Variants in ASTN2 observed in about 807,000 individuals in gnomAD.
ASTN2 encodes astrotactin 2, also known as astrotactin-2.
ASTN2 carries 54 observed loss-of-function variants against 139.8 expected under a neutral mutation model. The ratio of observed to expected loss-of-function variants is 0.39; its 90% CI spans 0.31 to 0.48. The LOEUF is 0.48. Among genes scored for constraint, ASTN2 ranks in the 20% least tolerant of loss-of-function variants. The pLI is 0.95. For synonymous variants in ASTN2, 756 were observed against 719.5 expected, an observed-to-expected ratio of 1.05 and a Z score of -0.81; for missense variants, 1,565 against 1,725.1, an observed-to-expected ratio of 0.91 and a Z score of 1.64.
chr9:116,800,540 TC>T, intron 13 of ASTN2, among the ~76,000 whole-genome samples: 1 of 152,202 alleles, frequency 6.6e-6, no homozygotes, highest in East Asian at 1.9e-4. Flanking sequence ...TTGCCTAAGA[TC>T]CCTCCTTAGT....
chr9:116,475,856 C>G (rs973445451), intron 20 of ASTN2, among the ~76,000 whole-genome samples: 3 of 152,176 alleles, frequency 2.0e-5, no homozygotes, highest in African/African-American at 7.2e-5. Context: ...CTCCATAGCC[C>G]CAAATCTCCT....
intron 10 of ASTN2, among the ~76,000 whole-genome samples, chr9:116,895,852 G>C (rs1833866862): frequency 6.6e-6 from 1 of 151,960 alleles, no homozygotes; most frequent in Non-Finnish European, 1.5e-5. Context: ...GTGTGTGTAA[G>C]GATTATTATT....
chr9:116,651,738 G>A lies in ASTN2; in HGVS notation c.2862C>T (p.Tyr954=). The A allele has an allele frequency of 1.2e-6, 2 of 1,614,172 alleles. No individual in the cohort carries two copies. The highest frequency in any genetic ancestry group is 1.7e-6 in the Non-Finnish European group (2 of 1,180,042). The change falls in exon 17 of 23, where the codon TAC becomes TAT. Residue 954 remains tyrosine (Y), a synonymous_variant. Transcript: ENST00000313400. ...KELKSMPFIT[Y]LSGLLTAQML... is the part of the protein sequence containing the mutation. Reference sequence around the variant, plus strand: ...TCTGGGCTGTCAGCAAACCTGAGAGGTAGGTGATGAAGGGCATGGACTTGA... The same window carrying A: ...TCTGGGCTGTCAGCAAACCTGAGAGATAGGTGATGAAGGGCATGGACTTGA...
intron 14 of ASTN2, among the ~76,000 whole-genome samples, chr9:116,731,041 C>G (rs1828763921): frequency 6.6e-6 from 1 of 152,026 alleles, no homozygotes; most frequent in South Asian, 2.1e-4. Flanking sequence ...CGGCCTAACT[C>G]TCACTCTGTT....
At position 116,892,351 on chromosome 9, in the gene ASTN2, G is replaced by C. The variant is rs117855062; in HGVS notation, c.1890-28618C>G. Reference sequence around the variant, plus strand: ...TAACCTTCATGTGTGAGAAAGTCATGCCCAAATTGACAGAGTCTTAGCTTA... The same window carrying C: ...TAACCTTCATGTGTGAGAAAGTCATCCCCAAATTGACAGAGTCTTAGCTTA... On this transcript the variant is annotated intron_variant, in intron 10 of 22. Coordinates refer to ENST00000313400, the MANE Select transcript of ASTN2 (RefSeq NM_001365068.1). Among the ~76,000 whole-genome samples the C allele has an allele frequency of 9.3e-3, 1,413 of 152,264 alleles. 9 individuals carry two copies. The highest frequency in any genetic ancestry group is 0.013 in the Non-Finnish European group (877 of 68,016).
At chr9:117,147,368 G>T (rs764259965) in intron 3 of ASTN2, among the ~76,000 whole-genome samples, 9 of 151,958 alleles carry the variant, frequency 5.9e-5, no homozygotes, top group Non-Finnish European at 1.2e-4. Flanking sequence ...CCTGGGAGGT[G>T]GAGGTTGCAG....
At chr9:117,237,557 G>A (rs1833081472) in intron 2 of ASTN2, among the ~76,000 whole-genome samples, 1 of 152,174 alleles carries the variant, frequency 6.6e-6, no homozygotes, top group South Asian at 2.1e-4. Context: ...TCAGCTCACT[G>A]TAACCTCCAC....
chr9:117,073,391 A>G (rs1828188335), intron 5 of ASTN2, among the ~76,000 whole-genome samples: 1 of 152,120 alleles, frequency 6.6e-6, no homozygotes, highest in African/African-American at 2.4e-5. Context: ...CATCTATTTC[A>G]GGGAATCTTC....
At chr9:117,297,940 T>C (rs1587923883) in intron 1 of ASTN2, among the ~76,000 whole-genome samples, 1 of 152,146 alleles carries the variant, frequency 6.6e-6, no homozygotes, top group East Asian at 1.9e-4. Context: ...ATCATATAAG[T>C]CAGCCTTCCT....
chr9:117,030,031 C>T (rs756153296), intron 6 of ASTN2, among the ~76,000 whole-genome samples: 2 of 151,436 alleles, frequency 1.3e-5, no homozygotes, highest in Admixed American at 6.6e-5. Flanking sequence ...AAAAAAAACG[C>T]TGAAGTTTAG....
rs562054248 is a variant in ASTN2, at chr9:117,414,630, C to CGCGGCGGCG, written c.300_308dup (p.Ala101_Ala103dup). 7.0e-7 allele frequency: 1 copy of CGCGGCGGCG among 1,436,560 alleles called. No individual in the cohort carries two copies. Among genetic ancestry groups the CGCGGCGGCG allele is most frequent in the African/African-American group, 1.5e-5 (1 of 67,748 alleles). 89.0% of individuals were successfully genotyped at this position (1,436,560 alleles called of 1,614,324 possible). Reference sequence around the variant, plus strand: ...CGGCAGAGCCAGGAGAGCCCGGGGACGCGGCGGCGGCGGCGGCTCCGGCCC... The same window carrying CGCGGCGGCG: ...CGGCAGAGCCAGGAGAGCCCGGGGACGCGGCGGCGGCGGCGGCGGCGGCGGCTCCGGCCC... On this transcript the variant is annotated inframe_insertion, in exon 1 of 23. Transcript: ENST00000313400. This position sits in a 1 kb window ranked among gnomAD's most constrained non-coding sequence, Gnocchi z 4.2.
intron 4 of ASTN2, among the ~76,000 whole-genome samples, chr9:117,098,600 C>T (rs1828895020): frequency 6.6e-6 from 1 of 152,046 alleles, no homozygotes; most frequent in Non-Finnish European, 1.5e-5. Context: ...AAAAGCAGGG[C>T]CTGGAGACAT....
intron 5 of ASTN2, among the ~76,000 whole-genome samples, chr9:117,053,335 C>T (rs538603537): frequency 4.0e-5 from 6 of 151,888 alleles, no homozygotes; most frequent in Non-Finnish European, 8.8e-5. Flanking sequence ...ACCTGCAGTC[C>T]CAGGTACTCA....
intron 20 of ASTN2, among the ~76,000 whole-genome samples, chr9:116,471,960 G>A (rs1035332028): frequency 2.6e-5 from 4 of 152,040 alleles, no homozygotes; most frequent in Non-Finnish European, 4.4e-5. Context: ...CAAAACCCGC[G>A]AGTGCAACAG....
intron 7 of ASTN2, among the ~76,000 whole-genome samples, chr9:116,999,873 A>G (rs1220917996): frequency 6.6e-6 from 1 of 151,896 alleles, no homozygotes; most frequent in Non-Finnish European, 1.5e-5. Context: ...AATTTTTTTC[A>G]TTGCAAAAGT....
intron 5 of ASTN2, among the ~76,000 whole-genome samples, chr9:117,082,239 C>T (rs1489967991): frequency 6.6e-6 from 1 of 152,166 alleles, no homozygotes; most frequent in Non-Finnish European, 1.5e-5. Context: ...CTCCTGAACA[C>T]TTACCCTTCC....
intron 16 of ASTN2, among the ~76,000 whole-genome samples, chr9:116,696,161 GCTCAAAAATCTCATTTTGGCT>G (rs1455756708): frequency 6.6e-6 from 1 of 151,890 alleles, no homozygotes; most frequent in Non-Finnish European, 1.5e-5. Flanking sequence ...TGAAAATGAC[GCTCAAAAATCTCATTTTGGCT>G]CTGAAGACCT....
At chr9:117,174,368 G>T (rs1356880021) in intron 3 of ASTN2, among the ~76,000 whole-genome samples, 1 of 151,856 alleles carries the variant, frequency 6.6e-6, no homozygotes, top group Non-Finnish European at 1.5e-5. Flanking sequence ...GAGTTAAGAA[G>T]AAACAGACAA....
intron 3 of ASTN2, among the ~76,000 whole-genome samples, chr9:117,205,020 G>A (rs1831869341): frequency 6.6e-6 from 1 of 152,134 alleles, no homozygotes; most frequent in Non-Finnish European, 1.5e-5. Flanking sequence ...ACTGTGCTGG[G>A]CATTGCAGGA....
Sources: allele counts gnomAD v4.1 joint callset (sites outside exome capture counted in the v4.1 genomes callset), GRCh38; gene constraint gnomAD v4.1.1; non-coding constraint Gnocchi (gnomAD v3.1); transcripts MANE v1.5; gene names NCBI Gene and HGNC (gene_info 2026-07-23, HGNC 2026-07-21).